The following ZNF280D variants were observed in gnomAD, a reference collection of about 807,000 sequenced individuals.
ZNF280D encodes the protein zinc finger protein 280D.
In ZNF280D, 39 loss-of-function variants were observed where a neutral mutation model predicts 94.7. That is an observed-to-expected ratio of 0.41 (90% confidence interval 0.32 to 0.54). The LOEUF (loss-of-function observed/expected upper bound fraction) is 0.54. ZNF280D is among the 20% of genes least tolerant of loss of function. The pLI, the probability that ZNF280D is intolerant of heterozygous loss-of-function variation, is 0.22. For synonymous variants in ZNF280D, 398 were observed against 377.6 expected, an observed-to-expected ratio of 1.05 and a Z score of -0.63; for missense variants, 1,090 against 1,149.3, an observed-to-expected ratio of 0.95 and a Z score of 0.75.
chr15:56,686,712 T>C (rs1249106043), intron 9 of ZNF280D, among the ~76,000 whole-genome samples: 1 of 152,174 alleles, frequency 6.6e-6, no homozygotes, highest in Admixed American at 6.5e-5. Context: ...CACATAATAT[T>C]GAATACCCCC....
intron 9 of ZNF280D, 47 bp downstream of exon 9, chr15:56,688,994 T>C: frequency 7.7e-7 from 1 of 1,297,488 alleles, no homozygotes; most frequent in Non-Finnish European, 1.1e-6. Flanking sequence ...TCAGTATTTT[T>C]AGAAATGTGC....
rs769186220 is a variant in ZNF280D at position 56,632,107 on chromosome 15, AG to A, written c.2330del (p.Ala777ValfsTer27). ...TSNSESKQDK[A>X]ASSKEKNGCN... Reference sequence around the variant, plus strand: ...ATCCATTTTTTTCTTTTGAAGAAGCAGCTTTATCTTGTTTACTGAAAAATAA... The same window carrying A: ...ATCCATTTTTTTCTTTTGAAGAAGCACTTTATCTTGTTTACTGAAAAATAA... On this transcript the variant is annotated frameshift_variant, in exon 22 of 22. Transcript: ENST00000267807. LOFTEE classifies it low-confidence loss of function (END_TRUNC). 6.3e-7 allele frequency: 1 copy of A among 1,576,210 alleles called. No individual in the cohort carries two copies. Among genetic ancestry groups the A allele is most frequent in the Middle Eastern group, 2.0e-4 (1 of 5,112 alleles).
chr15:56,660,792 T>G (rs2053886754), intron 16 of ZNF280D, among the ~76,000 whole-genome samples: 1 of 152,156 alleles, frequency 6.6e-6, no homozygotes, highest in African/African-American at 2.4e-5. Context: ...TCAAGAAAAC[T>G]GAGGTCAAAA....
intron 1 of ZNF280D, chr15:56,732,496 T>C (rs1182204211): frequency 1.3e-5 from 2 of 152,206 alleles, no homozygotes; most frequent in Non-Finnish European, 2.9e-5. Flanking sequence ...GAGGCAGCTT[T>C]TGTGCTTTAA....
chr15:56,676,413 T>C (rs1295810122), intron 13 of ZNF280D, among the ~76,000 whole-genome samples: 1 of 152,128 alleles, frequency 6.6e-6, no homozygotes, highest in Non-Finnish European at 1.5e-5. Context: ...CAACTTTTTC[T>C]TTTTCTGTCA....
chr15:56,732,911 G>A (rs1450066226), intron 1 of ZNF280D: 1 of 152,202 alleles, frequency 6.6e-6, no homozygotes, highest in African/African-American at 2.4e-5. Context: ...GCAGAGGAGG[G>A]GAGGTCTCTT....
chr15:56,698,266 AG>A (rs1566998744), intron 6 of ZNF280D: 2 of 152,214 alleles, frequency 1.3e-5, no homozygotes, highest in Non-Finnish European at 2.9e-5. Context: ...TGAATTACAC[AG>A]GTCTTCCAAA....
chr15:56,714,965 T>A (rs2141333706), intron 1 of ZNF280D, among the ~76,000 whole-genome samples: 1 of 152,240 alleles, frequency 6.6e-6, no homozygotes, highest in Admixed American at 6.5e-5. Flanking sequence ...TTATGATGAA[T>A]ACATAAATAT....
At chr15:56,686,672 G>A (rs2141041698) in intron 9 of ZNF280D, among the ~76,000 whole-genome samples, 1 of 152,112 alleles carries the variant, frequency 6.6e-6, no homozygotes, top group South Asian at 2.1e-4. Context: ...ATACCCCAAA[G>A]GAGAAGTAAT....
At chr15:56,727,383 C>T (rs568459715) in intron 1 of ZNF280D, among the ~76,000 whole-genome samples, 2 of 152,080 alleles carry the variant, frequency 1.3e-5, no homozygotes, top group Admixed American at 6.5e-5. Flanking sequence ...CACTTGAACC[C>T]GGGAAGTGGA....
chr15:56,635,389 T>C, intron 20 of ZNF280D, 139 bp from the exon 21 acceptor site: 1 of 238,586 alleles, frequency 4.2e-6, no homozygotes, highest in South Asian at 1.6e-4. Flanking sequence ...TTATTAAATA[T>C]AAAATATAAT....
intron 1 of ZNF280D, among the ~76,000 whole-genome samples, chr15:56,711,294 AAC>A (rs1176416312): frequency 2.0e-5 from 3 of 152,228 alleles, no homozygotes; most frequent in Non-Finnish European, 4.4e-5. Context: ...ATATATGTAA[AAC>A]ACATCTCAGT....
Position 56,632,031 on chromosome 15 carries a change from T to G in ZNF280D, c.2407A>C (p.Ile803Leu). 6.2e-7 allele frequency: 1 copy of G among 1,613,626 alleles called. No homozygotes were observed. The highest frequency in any genetic ancestry group is 8.5e-7 in the Non-Finnish European group (1 of 1,179,812). The part of the protein sequence containing the change: ...GSSTTKSEES[I>L]TVSDKENETC... ...TCATTTTCCTTATCTGAAACTGTTA[T>G]GCTTTCTTCACTTTTTGTTGTTGAT... Residue 803 changes from isoleucine to leucine, a missense_variant, in exon 22 of 22, where the codon ATA (isoleucine) becomes CTA (leucine). Physicochemically the swap from Ile to Leu is conservative, Grantham distance 5 (BLOSUM62 2). Coordinates refer to ENST00000267807, the MANE Select transcript of ZNF280D (RefSeq NM_017661.4).
chr15:56,647,829 C>T (rs1460721455), intron 19 of ZNF280D, among the ~76,000 whole-genome samples: 1 of 152,130 alleles, frequency 6.6e-6, no homozygotes, highest in Non-Finnish European at 1.5e-5. Context: ...CCACACCTGG[C>T]CACCAACCAT....
intron 13 of ZNF280D, among the ~76,000 whole-genome samples, chr15:56,673,099 A>T (rs2054977919): frequency 6.6e-6 from 1 of 152,182 alleles, no homozygotes; most frequent in South Asian, 2.1e-4. Flanking sequence ...GAGTTCCCAG[A>T]AATCTTTTCT....
intron 1 of ZNF280D, among the ~76,000 whole-genome samples, chr15:56,712,829 C>T (rs1382068497): frequency 1.3e-5 from 2 of 151,256 alleles, no homozygotes; most frequent in African/African-American, 2.4e-5. Context: ...CAACCTCCAC[C>T]TTCCAGGTTC....
rs1566921112 is a variant in ZNF280D, at chr15:56,631,764, T to G, written c.2674A>C (p.Ser892Arg). The G allele has an allele frequency of 1.2e-6, 2 of 1,614,190 alleles. No homozygotes were observed. The highest frequency in any genetic ancestry group is 4.5e-5 in the East Asian group (2 of 44,876). ...CTTTTTCTCAAAAACTGATCAATGCTTACATTATCTGATGCTAATCGCAAA... is the reference window on the plus strand; with the variant it reads ...CTTTTTCTCAAAAACTGATCAATGCGTACATTATCTGATGCTAATCGCAAA... ...KDLRLASDNV[S>R]IDQFLRKRHE... is the part of the protein sequence containing the mutation. Residue 892 changes from serine (S) to arginine (R), a missense_variant, in exon 22 of 22, where the codon AGC becomes CGC. Ser to Arg is a moderately radical substitution (Grantham distance 110). This residue lies in a region of ZNF280D where 577 missense variants were observed against 568.8 expected (regional missense o/e 1.01). Transcript: ENST00000267807.
chr15:56,656,976 G>C (rs1210511027), intron 17 of ZNF280D, among the ~76,000 whole-genome samples: 1 of 152,018 alleles, frequency 6.6e-6, no homozygotes, highest in Non-Finnish European at 1.5e-5. Context: ...CTGGGGGAAA[G>C]CAAACTAGGC....
In ZNF280D at chr15:56,657,777, G is replaced by C. The variant is rs182412643; in HGVS notation, c.2057+647C>G. Among the ~76,000 whole-genome samples, 59 of 152,288 alleles carry C rather than the reference G, an allele frequency of 3.9e-4. 1 individual carries two copies. The Middle Eastern group carries it at 0.031, about 79-fold the overall frequency. On this transcript the variant is annotated intron_variant, in intron 17 of 21. Coordinates refer to ENST00000267807, the MANE Select transcript of ZNF280D (RefSeq NM_017661.4). The stretch of plus-strand genomic sequence containing the variant: ...ACCCTCAAACACTGCTGGTGGGAAT[G>C]TAAAATAGTGGAGCTACTTTGGAAA...
Sources: gnomAD v4.1 joint callset for allele counts (sites outside exome capture counted in the v4.1 genomes callset) on GRCh38, gnomAD v4.1.1 for gene constraint, gnomAD v4.1.1 regional missense constraint, MANE v1.5 for transcripts, NCBI Gene and HGNC (gene_info 2026-07-23, HGNC 2026-07-21) for gene names.